Variants in NPC1 observed in about 807,000 individuals in gnomAD.
NPC1 encodes Niemann-Pick C1 protein.
NPC1 carries 85 observed loss-of-function variants against 140.4 expected under a neutral mutation model. The observed-to-expected ratio is 0.61, with a 90% CI of 0.51 to 0.72. The LOEUF (loss-of-function observed/expected upper bound fraction) is 0.72. Ranked by LOEUF, NPC1 falls within the 30% of genes least tolerant of loss-of-function variation. The pLI is 0.00. For synonymous variants in NPC1, 656 were observed against 624.8 expected (o/e 1.05, Z -0.74); for missense variants, 1,504 against 1,623.8 (o/e 0.93, Z 1.27).
At chr18:23,507,919 C>A in intron 3 of NPC1, 1 of 1,450,344 alleles carries the variant, frequency 6.9e-7, no homozygotes, top group Non-Finnish European at 9.5e-7. Context: ...TTGTAGTATG[C>A]CAACGTAGGT....
At position 23,531,512 on chromosome 18, in the gene NPC1, G is replaced by GTATTTTATTA; in HGVS notation, c.*680_*689dup. On this transcript the variant is annotated 3_prime_UTR_variant, in exon 25 of 25. Transcript: ENST00000269228. ...TAACCCCAAAACTTAGGAAAACAAT[G>GTATTTTATTA]TATTTTATTAAAGAAAAATAAGTTA... is the stretch of plus-strand genomic sequence containing the variant. The GTATTTTATTA allele has an allele frequency of 6.7e-7, 1 of 1,501,914 alleles. No homozygotes were observed. Among genetic ancestry groups the GTATTTTATTA allele is most frequent in the Non-Finnish European group, 8.8e-7 (1 of 1,133,084 alleles). 93.0% of individuals were successfully genotyped at this position (1,501,914 alleles called of 1,614,324 possible).
At chr18:23,538,707 T>C (rs750792576) in intron 19 of NPC1, 36 bp from the exon 20 acceptor site, 12 of 1,611,484 alleles carry the variant, frequency 7.4e-6, no homozygotes, top group Admixed American at 6.7e-5. Flanking sequence ...GTTAGAAGAA[T>C]AGGTCTCCAG....
At chr18:23,526,722 G>C (rs1253773908), downstream of NPC1, 2 of 1,614,042 alleles carry the variant, frequency 1.2e-6, no homozygotes, top group African/African-American at 1.3e-5. Flanking sequence ...TTCTCCTCCA[G>C]AGAAAGGAAT....
At chr18:23,535,440 G>A in intron 22 of NPC1, 29 bp downstream of exon 22, 2 of 1,499,376 alleles carry the variant, frequency 1.3e-6, no homozygotes, top group South Asian at 2.3e-5. Context: ...CAGGAGCTAG[G>A]GACAAACTGA....
Position 23,531,683 on chromosome 18 carries a change from A to C in NPC1, c.*519T>G. On this transcript the variant is annotated 3_prime_UTR_variant, in exon 25 of 25. Transcript: ENST00000269228. ...AACAGATTTTTGGAGACCAAGCTCT[A>C]ATGAGGCCTACAACATTCTGAAATC... is the stretch of plus-strand genomic sequence containing the variant. 6.2e-7 allele frequency: 1 copy of C among 1,613,282 alleles called. No individual in the cohort carries two copies. Among genetic ancestry groups the C allele is most frequent in the Non-Finnish European group, 8.5e-7 (1 of 1,179,860 alleles).
intron 3 of NPC1, 119 bp from the exon 4 acceptor site, chr18:23,569,117 A>G (rs2059167082): frequency 2.7e-6 from 2 of 733,934 alleles, no homozygotes; most frequent in Non-Finnish European, 2.3e-6. Flanking sequence ...TACCAAGAGA[A>G]CATATTAAAA....
In NPC1 at chr18:23,548,651, T is replaced by G. The variant is rs1598963129; in HGVS notation, c.1655-543A>C. On this transcript the variant is annotated intron_variant, in intron 10 of 24. Coordinates refer to ENST00000269228, the MANE Select transcript of NPC1 (RefSeq NM_000271.5). The stretch of plus-strand genomic sequence containing the variant: ...TCCTTATTCTTTTCCTACAGTATTT[T>G]CTGGTATACTTTAGCCAATCCCCCC... 3.3e-5 allele frequency among the ~76,000 whole-genome samples: 5 copies of G among 152,358 alleles called. No individual in the cohort carries two copies. In the South Asian group the frequency reaches 1.0e-3, roughly 32 times the overall value.
intron 5 of NPC1, among the ~76,000 whole-genome samples, chr18:23,560,726 C>G (rs1486620559): frequency 6.6e-6 from 1 of 152,178 alleles, no homozygotes; most frequent in Non-Finnish European, 1.5e-5. Context: ...ACACCACATA[C>G]CAAGGCAACC....
chr18:23,526,278 G>A (rs1047838711), downstream of NPC1, among the ~76,000 whole-genome samples: 2 of 152,232 alleles, frequency 1.3e-5, no homozygotes, highest in Non-Finnish European at 2.9e-5. Flanking sequence ...GATGCCACGT[G>A]TTGACATCTT....
chr18:23,532,821 T>C (rs2058557155), intron 24 of NPC1: 2 of 945,432 alleles, frequency 2.1e-6, no homozygotes, highest in African/African-American at 1.8e-5. Context: ...TTCAATTTAG[T>C]GACAAAGCTA....
At chr18:23,581,718 A>G (rs1269747154) in intron 1 of NPC1, among the ~76,000 whole-genome samples, 1 of 152,112 alleles carries the variant, frequency 6.6e-6, no homozygotes, top group African/African-American at 2.4e-5. Flanking sequence ...TTTCAAGTGA[A>G]CAGTTCAATA....
rs144854027 is a variant in NPC1 at position 23,507,648 on chromosome 18, A to G, written c.432-1006T>C. 8.5e-3 allele frequency among the ~76,000 whole-genome samples: 1,289 copies of G among 152,312 alleles called. 16 individuals carry two copies. Among genetic ancestry groups the G allele is most frequent in the African/African-American group, 0.03 (1,249 of 41,568 alleles). On this transcript the variant is annotated intron_variant, in intron 3 of 3. Transcript: ENST00000591107. ...GCAGAATCCTCTGTTAGTTTCTTCC[A>G]TCAGTTTTAAGTGTTAAAGTCTTGG...
rs893564568 is a variant in NPC1 at position 23,536,784 on chromosome 18, A to G, written c.3134T>C (p.Leu1045Pro). ...GTCAATAAAGTCAGCAGAGGTCTGC[A>G]GCACGGTGTGGTAGGTCATGAAGTA... ...ATYFMTYHTV[L>P]QTSADFIDAL... is the part of the protein sequence containing the mutation. Residue 1045 changes from leucine (L) to proline (P), a missense_variant, in exon 21 of 25, where the codon CTG (leucine) becomes CCG (proline). Coordinates refer to ENST00000269228, the MANE Select transcript of NPC1 (RefSeq NM_000271.5). 1.2e-6 allele frequency: 2 copies of G among 1,614,250 alleles called. No homozygotes were observed. Among genetic ancestry groups the G allele is most frequent in the Non-Finnish European group, 1.7e-6 (2 of 1,180,044 alleles).
chr18:23,538,423 A>G (rs1410725738), intron 20 of NPC1, 119 bp downstream of exon 20: 1 of 1,251,380 alleles, frequency 8.0e-7, no homozygotes, highest in Non-Finnish European at 1.2e-6. Context: ...AAGGACCAGG[A>G]CAGGGTGGGG....
chr18:23,529,784 A>C, downstream of NPC1: 5 of 1,415,710 alleles, frequency 3.5e-6, no homozygotes, highest in East Asian at 2.3e-5. Context: ...ACTGTCTTAG[A>C]AGATGACTCA....
intron 5 of NPC1, 150 bp downstream of exon 5, chr18:23,561,210 C>T: frequency 1.2e-6 from 1 of 808,018 alleles, no homozygotes; most frequent in Non-Finnish European, 2.2e-6. Flanking sequence ...TGGGGCCTCA[C>T]TACATTGCCC....
intron 1 of NPC1, among the ~76,000 whole-genome samples, chr18:23,577,783 G>A (rs2059307895): frequency 6.6e-6 from 1 of 152,256 alleles, no homozygotes; most frequent in Admixed American, 6.5e-5. Flanking sequence ...CCGTGGGAAG[G>A]CAGCCAAGGC....
At chr18:23,558,383 C>T (rs539900083) in intron 6 of NPC1, among the ~76,000 whole-genome samples, 6 of 152,188 alleles carry the variant, frequency 3.9e-5, no homozygotes, top group East Asian at 1.9e-4. Context: ...CATGATGCAC[C>T]GAGAAAGACA....
intron 3 of NPC1, among the ~76,000 whole-genome samples, chr18:23,513,348 G>C (rs553635167): frequency 1.3e-5 from 2 of 152,198 alleles, no homozygotes; most frequent in African/African-American, 2.4e-5. Context: ...TTTCCTACAG[G>C]TTCCCCCATG....
Sources: gnomAD v4.1 joint callset for allele counts (sites outside exome capture counted in the v4.1 genomes callset) on GRCh38, gnomAD v4.1.1 for gene constraint, MANE v1.5 for transcripts, NCBI Gene and HGNC (gene_info 2026-07-23, HGNC 2026-07-21) for gene names.